The following LMLN variants were observed in gnomAD, a reference collection of about 807,000 sequenced individuals.
The protein encoded by LMLN is leishmanolysin like peptidase.
In LMLN, 70 loss-of-function variants were observed where a neutral mutation model predicts 92.3. The observed-to-expected ratio is 0.76, with a 90% CI of 0.63 to 0.92. The LOEUF (loss-of-function observed/expected upper bound fraction) is 0.92. Among genes scored for constraint, LMLN ranks in the 40% least tolerant of loss-of-function variants. LMLN has a pLI of 0.00. For missense variants in LMLN, 691 were observed against 814.6 expected (o/e 0.85, Z 1.85); for synonymous variants, 308 against 296.2 (o/e 1.04, Z -0.41).
chr3:198,042,592 T>C lies in LMLN; in HGVS notation c.*3925T>C, dbSNP rs927361633. ...CAGGCTGGGCCGGCTGCAGCTGTAG[T>C]GGAAGTGAGGGACACAGGGAAGGAA... On this transcript the variant is annotated 3_prime_UTR_variant, in exon 16 of 16. Transcript: ENST00000330198. This position sits in a 1 kb window ranked among gnomAD's most constrained non-coding sequence, Gnocchi z 4.2. 1 of 152,150 alleles carries C rather than the reference T, an allele frequency of 6.6e-6. No homozygotes were observed. Among genetic ancestry groups the C allele is most frequent in the Non-Finnish European group, 1.5e-5 (1 of 68,084 alleles). 9.4% of individuals were successfully genotyped at this position (152,150 alleles called of 1,614,324 possible).
At chr3:197,965,223 TGCC>T (rs1177903700) in intron 1 of LMLN, among the ~76,000 whole-genome samples, 1 of 152,068 alleles carries the variant, frequency 6.6e-6, no homozygotes, top group Non-Finnish European at 1.5e-5. Flanking sequence ...CTTGCTGTGT[TGCC>T]CAGATTGGTC....
intron 8 of LMLN, among the ~76,000 whole-genome samples, chr3:197,988,314 A>G (rs1347277277): frequency 6.6e-6 from 1 of 151,876 alleles, no homozygotes; most frequent in Non-Finnish European, 1.5e-5. Flanking sequence ...AGGCCTCAAA[A>G]GATTATAAAA....
intron 2 of LMLN, 59 bp from the exon 3 acceptor site, chr3:197,974,983 G>A: frequency 8.9e-7 from 1 of 1,128,662 alleles, no homozygotes. Context: ...GTTATTTCTT[G>A]ATTACATGTG....
intron 11 of LMLN, among the ~76,000 whole-genome samples, chr3:198,009,606 C>T (rs1722380184): frequency 6.6e-6 from 1 of 152,090 alleles, no homozygotes; most frequent in African/African-American, 2.4e-5. Context: ...CTGGAGATTT[C>T]TCTTTTGGAA....
intron 6 of LMLN, 80 bp from the exon 7 acceptor site, chr3:197,983,861 TGA>T: frequency 1.1e-6 from 1 of 900,202 alleles, no homozygotes; most frequent in Non-Finnish European, 1.8e-6. Context: ...TTTCTGTCCT[TGA>T]GCAGTATTTG....
chr3:197,986,013 G>T, intron 8 of LMLN, 123 bp downstream of exon 8: 1 of 629,454 alleles, frequency 1.6e-6, no homozygotes, highest in Middle Eastern at 2.7e-4. Flanking sequence ...TAAGGAAATT[G>T]TAGATATTAA....
intron 11 of LMLN, among the ~76,000 whole-genome samples, chr3:198,001,431 T>C (rs1279925241): frequency 2.0e-5 from 3 of 152,196 alleles, no homozygotes; most frequent in Non-Finnish European, 2.9e-5. Flanking sequence ...TAAGATATTC[T>C]GCGCTCATCG....
rs182619966 is a variant in LMLN, at chr3:198,031,682, C to T, written c.1657-4151C>T. Among the ~76,000 whole-genome samples the T allele has an allele frequency of 1.2e-4, 18 of 152,232 alleles. No individual in the cohort carries two copies. The highest frequency in any genetic ancestry group is 4.3e-4 in the African/African-American group (18 of 41,538). On this transcript the variant is annotated intron_variant, in intron 14 of 15. Transcript: ENST00000330198. This position sits in a 1 kb window ranked among gnomAD's most constrained non-coding sequence, Gnocchi z 4.8. ...TGCCAGAATCTTTTTTCTTTCTTCT[C>T]TGGAAGCTGTAAATTCTTAATTTTA...
chr3:198,032,101 C>CAAAAA (rs35145607), intron 14 of LMLN, among the ~76,000 whole-genome samples: 1 of 103,710 alleles, frequency 9.6e-6, no homozygotes, highest in Non-Finnish European at 2.2e-5. Context: ...GACTCTGACT[C>CAAAAA]AAAAAAAAAA....
Position 197,960,445 on chromosome 3 carries a change from G to A in LMLN, c.219+5G>A. 7 of 1,612,052 alleles carry A rather than the reference G, an allele frequency of 4.3e-6. No homozygotes were observed. The highest frequency in any genetic ancestry group is 5.1e-6 in the Non-Finnish European group (6 of 1,178,664). The stretch of plus-strand genomic sequence containing the variant: ...CACGTCCCCTCTGACACTGAGGTAG[G>A]GCGACATGGGCGGGAGCGGGCCCTC... On this transcript the variant is annotated splice_donor_5th_base_variant and intron_variant, in intron 1 of 15. Transcript: ENST00000330198.
intron 11 of LMLN, among the ~76,000 whole-genome samples, chr3:198,013,060 T>C (rs1722498046): frequency 7.3e-6 from 1 of 136,428 alleles, no homozygotes. Flanking sequence ...CTCTGTACCC[T>C]TCAGAGCCCC....
intron 6 of LMLN, among the ~76,000 whole-genome samples, chr3:197,982,799 T>C (rs1253299466): frequency 6.6e-6 from 1 of 152,242 alleles, no homozygotes; most frequent in East Asian, 1.9e-4. Context: ...TGTAGATCAA[T>C]TGAACAAGGA....
At chr3:198,014,741 C>G (rs1161430800) in intron 11 of LMLN, among the ~76,000 whole-genome samples, 30 of 141,504 alleles carry the variant, frequency 2.1e-4, no homozygotes, top group Non-Finnish European at 4.2e-4. Context: ...AGCCCCCTAA[C>G]TAGTCTGACT....
intron 11 of LMLN, among the ~76,000 whole-genome samples, chr3:198,010,684 C>G (rs929049888): frequency 2.0e-5 from 3 of 152,064 alleles, no homozygotes; most frequent in Non-Finnish European, 4.4e-5. Context: ...CTCCTGGGCT[C>G]TAGCAATCGG....
chr3:197,964,699 A>G (rs1434006067), intron 1 of LMLN, among the ~76,000 whole-genome samples: 1 of 150,886 alleles, frequency 6.6e-6, no homozygotes, highest in Non-Finnish European at 1.5e-5. Context: ...GCCCGGCCTA[A>G]AAAAGTTTTT....
chr3:198,031,486 C>T lies in LMLN; in HGVS notation c.1657-4347C>T, dbSNP rs963831331. The stretch of plus-strand genomic sequence containing the variant: ...GCCAAAACAGCACATTTTGGGGTGG[C>T]GTGTTCTGCCGTCCTTCAATAGCTT... On this transcript the variant is annotated intron_variant, in intron 14 of 15. Coordinates refer to ENST00000330198, the Ensembl canonical transcript of LMLN. This position sits in a 1 kb window ranked among gnomAD's most constrained non-coding sequence, Gnocchi z 4.8. Among the ~76,000 whole-genome samples, 5 of 151,998 alleles carry T rather than the reference C, an allele frequency of 3.3e-5. No homozygotes were observed. Among genetic ancestry groups the T allele is most frequent in the African/African-American group, 9.7e-5 (4 of 41,370 alleles).
At chr3:197,980,776 T>C (rs577502289) in intron 6 of LMLN, 2 of 303,398 alleles carry the variant, frequency 6.6e-6, no homozygotes, top group Middle Eastern at 9.9e-4. Context: ...TCCATTTTGA[T>C]CCTATCGTTT....
exon 16 of LMLN, chr3:198,040,238 G>A (rs1723362398): frequency 6.6e-6 from 1 of 152,196 alleles, no homozygotes; most frequent in African/African-American, 2.4e-5. Flanking sequence ...CCACTTTTAA[G>A]TAAGACTCAG....
intron 7 of LMLN, 103 bp downstream of exon 7, chr3:197,984,151 A>G (rs1721634350): frequency 1.4e-6 from 1 of 713,730 alleles, no homozygotes; most frequent in Non-Finnish European, 2.5e-6. Context: ...GTGGATTCCT[A>G]GACTCATGTT....
Sources: gnomAD v4.1 joint callset for allele counts (sites outside exome capture counted in the v4.1 genomes callset) on GRCh38, gnomAD v4.1.1 for gene constraint, Gnocchi (gnomAD v3.1) non-coding constraint, MANE v1.5 for transcripts, NCBI Gene and HGNC (gene_info 2026-07-23, HGNC 2026-07-21) for gene names.